MKX: variants seen among roughly 807,000 people sequenced by gnomAD.
MKX encodes mohawk homeobox, also known as homeobox protein Mohawk.
Under a neutral mutation model 36.0 loss-of-function variants are expected in MKX, and 13 were observed. The observed-to-expected ratio is 0.36, with a 90% CI of 0.24 to 0.57. MKX has a LOEUF of 0.57. Among genes scored for constraint, MKX ranks in the 20% least tolerant of loss-of-function variants. The probability of loss-of-function intolerance (pLI) is 0.79; values close to 1 mark genes in which losing one functional copy is unlikely to be tolerated. For synonymous variants in MKX, 176 were observed against 178.3 expected, an observed-to-expected ratio of 0.99 and a Z score of 0.10; for missense variants, 458 against 456.4, an observed-to-expected ratio of 1.00 and a Z score of -0.03.
chr10:27,733,947 GAC>G (rs773430148), intron 5 of MKX, among the ~76,000 whole-genome samples: 1 of 152,122 alleles, frequency 6.6e-6, no homozygotes, highest in Non-Finnish European at 1.5e-5. Context: ...ACAAAAGCTT[GAC>G]ACCCTATTAA....
At position 27,743,297 on chromosome 10, in the gene MKX, C is replaced by A. The variant is rs34439626; in HGVS notation, c.119G>T (p.Arg40Leu). The A allele has an allele frequency of 1.9e-6, 3 of 1,553,054 alleles. No homozygotes were observed. Among genetic ancestry groups the A allele is most frequent in the Admixed American group, 2.1e-5 (1 of 48,052 alleles). ...GCCGTCGGGAATGCCCACCTCGGGGCGGGCGTGAGGACTGTCCAGGACACC... is the reference window on the plus strand; with the variant it reads ...GCCGTCGGGAATGCCCACCTCGGGGAGGGCGTGAGGACTGTCCAGGACACC... Reference protein sequence around the residue: ...YSGVLDSPHARPEVGIPDGPP... With the variant: ...YSGVLDSPHALPEVGIPDGPP... The change falls in exon 2 of 7, where the codon CGC becomes CTC. Residue 40 changes from arginine to leucine, a missense_variant. Arg to Leu is a moderately radical substitution (Grantham distance 102). Transcript: ENST00000419761.
chr10:27,723,217 CAGTT>C (rs1834418234), intron 5 of MKX, among the ~76,000 whole-genome samples: 1 of 152,074 alleles, frequency 6.6e-6, no homozygotes, highest in Non-Finnish European at 1.5e-5. Context: ...AAAAAGTGCA[CAGTT>C]AGATAAGCTA....
chr10:27,675,985 C>A (rs1205525231), intron 5 of MKX, among the ~76,000 whole-genome samples: 4 of 152,206 alleles, frequency 2.6e-5, no homozygotes, highest in Non-Finnish European at 1.5e-5. Context: ...AATCAGGGAG[C>A]TTTGGCTGGG....
At chr10:27,738,116 A>G (rs1834818177) in intron 3 of MKX, among the ~76,000 whole-genome samples, 1 of 151,998 alleles carries the variant, frequency 6.6e-6, no homozygotes, top group South Asian at 2.1e-4. Flanking sequence ...GCTGATGTCT[A>G]TTATAGACTG....
intron 4 of MKX, 84 bp from the exon 5 acceptor site, chr10:27,734,875 A>G (rs1189259248): frequency 2.7e-5 from 21 of 768,660 alleles, no homozygotes; most frequent in Middle Eastern, 4.1e-4. Flanking sequence ...CCTTAAAAAT[A>G]TATAAAGGAA....
chr10:27,710,378 T>C (rs1034129352), intron 5 of MKX, among the ~76,000 whole-genome samples: 1 of 152,242 alleles, frequency 6.6e-6, no homozygotes, highest in Non-Finnish European at 1.5e-5. Flanking sequence ...CACTACTGAC[T>C]GGTCACAAGG....
Position 27,742,737 on chromosome 10 carries a change from C to A in MKX, c.188+491G>T, listed in dbSNP as rs1834933498. 1.3e-5 allele frequency among the ~76,000 whole-genome samples: 2 copies of A among 151,942 alleles called. No homozygotes were observed. The highest frequency in any genetic ancestry group is 4.1e-4 in the South Asian group (2 of 4,826). On this transcript the variant is annotated intron_variant, in intron 2 of 6. Coordinates refer to ENST00000419761, the MANE Select transcript of MKX (RefSeq NM_173576.3). This position sits in a 1 kb window ranked among gnomAD's most constrained non-coding sequence, Gnocchi z 4.2. Reference sequence around the variant, plus strand: ...CGCGCTCACGCCCGGGACTCCCTGGCGGGAGGCGACCTTCCCGACTCCTTG... The same window carrying A: ...CGCGCTCACGCCCGGGACTCCCTGGAGGGAGGCGACCTTCCCGACTCCTTG...
intron 5 of MKX, among the ~76,000 whole-genome samples, chr10:27,721,001 T>C (rs73604042): frequency 0.012 from 1,849 of 152,080 alleles, 40 homozygotes; most frequent in African/African-American, 0.04. Context: ...AATCCAGAAA[T>C]TAACCTAATG....
At chr10:27,685,361 A>G (rs1836323272) in intron 5 of MKX, among the ~76,000 whole-genome samples, 1 of 152,104 alleles carries the variant, frequency 6.6e-6, no homozygotes, top group South Asian at 2.1e-4. Flanking sequence ...TTAATATGTA[A>G]TATCAAGGAA....
Position 27,741,560 on chromosome 10 carries a change from C to G in MKX, c.189-56G>C. ...TGAGCGACGCGTTTGCCCGCCCGGA[C>G]GCTCCACGCCCCGGCCAAGCCCGGG... On this transcript the variant is annotated intron_variant, in intron 2 of 6. Coordinates refer to ENST00000419761, the MANE Select transcript of MKX (RefSeq NM_173576.3). This position sits in a 1 kb window ranked among gnomAD's most constrained non-coding sequence, Gnocchi z 5.1. 6.6e-7 allele frequency: 1 copy of G among 1,510,222 alleles called. No homozygotes were observed. The highest frequency in any genetic ancestry group is 8.8e-7 in the Non-Finnish European group (1 of 1,138,146). 93.6% of individuals were successfully genotyped at this position (1,510,222 alleles called of 1,614,324 possible).
rs1264849030 is a variant in MKX at position 27,742,671 on chromosome 10, C to T, written c.188+557G>A. Among the ~76,000 whole-genome samples the T allele has an allele frequency of 1.3e-5, 2 of 151,916 alleles. No individual in the cohort carries two copies. Among genetic ancestry groups the T allele is most frequent in the Admixed American group, 6.5e-5 (1 of 15,280 alleles). On this transcript the variant is annotated intron_variant, in intron 2 of 6. Transcript: ENST00000419761. This position sits in a 1 kb window ranked among gnomAD's most constrained non-coding sequence, Gnocchi z 4.2. ...AAACTCAAACCCGGCCCCGCAGGCC[C>T]GGGGCCTCCCCCTCCGGGTTCGCCG...
Position 27,699,707 on chromosome 10 carries a change from A to C in MKX, c.839-24153T>G, listed in dbSNP as rs1352810834. ...TTCCCAGTTTCAATTCAGCTCCCTAACATGGGATTAACTCCCTCAGAAAGA... is the reference window on the plus strand; with the variant it reads ...TTCCCAGTTTCAATTCAGCTCCCTACCATGGGATTAACTCCCTCAGAAAGA... On this transcript the variant is annotated intron_variant, in intron 5 of 6. Transcript: ENST00000419761. 1.1e-4 allele frequency among the ~76,000 whole-genome samples: 16 copies of C among 152,350 alleles called. No homozygotes were observed. The South Asian group carries it at 3.3e-3, about 32-fold the overall frequency.
rs1454490044 is a variant in MKX at position 27,741,691 on chromosome 10, G to A, written c.189-187C>T. 6.6e-6 allele frequency among the ~76,000 whole-genome samples: 1 copy of A among 152,258 alleles called. No homozygotes were observed. Among genetic ancestry groups the A allele is most frequent in the Non-Finnish European group, 1.5e-5 (1 of 68,048 alleles). On this transcript the variant is annotated intron_variant, in intron 2 of 6. Coordinates refer to ENST00000419761, the MANE Select transcript of MKX (RefSeq NM_173576.3). This position sits in a 1 kb window ranked among gnomAD's most constrained non-coding sequence, Gnocchi z 5.1. ...GAGCCACACAGTTTCTGGATGGGGA[G>A]ATCATTTCGATAGGTTTATCTTGAA... is the stretch of plus-strand genomic sequence containing the variant.
intron 5 of MKX, among the ~76,000 whole-genome samples, chr10:27,734,048 C>T (rs535801195): frequency 3.3e-5 from 5 of 152,090 alleles, no homozygotes; most frequent in South Asian, 2.1e-4. Flanking sequence ...GGCCACAATC[C>T]GGCACTATCC....
Position 27,675,203 on chromosome 10 carries a change from C to T in MKX, c.*26G>A. 7 of 1,604,390 alleles carry T rather than the reference C, an allele frequency of 4.4e-6. No homozygotes were observed. The highest frequency in any genetic ancestry group is 6.0e-6 in the Non-Finnish European group (7 of 1,174,384). On this transcript the variant is annotated 3_prime_UTR_variant, in exon 7 of 7. Transcript: ENST00000419761. ...TGATGAAAACACCGGAAAGAACATC[C>T]ATTGGATCTGAAAAGCAACAAGCTC... is the stretch of plus-strand genomic sequence containing the variant.
intron 3 of MKX, among the ~76,000 whole-genome samples, chr10:27,738,685 G>C (rs972003062): frequency 6.6e-6 from 1 of 152,014 alleles, no homozygotes; most frequent in Non-Finnish European, 1.5e-5. Context: ...CTAGAAGCTG[G>C]GAGGGAAAAC....
At chr10:27,730,860 C>T (rs556139980) in intron 5 of MKX, among the ~76,000 whole-genome samples, 25 of 151,796 alleles carry the variant, frequency 1.6e-4, no homozygotes, top group African/African-American at 5.8e-4. Context: ...GGCAGCCGGG[C>T]GCGGTGGCTC....
intron 5 of MKX, among the ~76,000 whole-genome samples, chr10:27,719,682 G>C (rs1834331505): frequency 6.6e-6 from 1 of 152,098 alleles, no homozygotes; most frequent in African/African-American, 2.4e-5. Context: ...AAAAACTGCA[G>C]TAGGAAAATT....
chr10:27,742,367 T>C lies in MKX; in HGVS notation c.188+861A>G, dbSNP rs1834919867. Among the ~76,000 whole-genome samples the C allele has an allele frequency of 1.3e-5, 2 of 152,180 alleles. No homozygotes were observed. Among genetic ancestry groups the C allele is most frequent in the African/African-American group, 4.8e-5 (2 of 41,466 alleles). ...CCTGCGCCGGAGCCTCCTGGGTTTC[T>C]GCCTCTTTAAACACTTTGAAATGCA... On this transcript the variant is annotated intron_variant, in intron 2 of 6. Transcript: ENST00000419761. This position sits in a 1 kb window ranked among gnomAD's most constrained non-coding sequence, Gnocchi z 4.2.
Sources: gnomAD v4.1 joint callset for allele counts (sites outside exome capture counted in the v4.1 genomes callset) on GRCh38, gnomAD v4.1.1 for gene constraint, Gnocchi (gnomAD v3.1) non-coding constraint, MANE v1.5 for transcripts, NCBI Gene and HGNC (gene_info 2026-07-23, HGNC 2026-07-21) for gene names.